Variants in TRMT9B observed in about 807,000 individuals in gnomAD.
TRMT9B encodes the protein tRNA methyltransferase 9B (putative), also known as probable tRNA methyltransferase 9B.
Under a neutral mutation model 11.5 loss-of-function variants are expected in TRMT9B, and 16 were observed. The ratio of observed to expected loss-of-function variants is 1.39; its 90% confidence interval spans 0.94 to 2.11. The LOEUF (loss-of-function observed/expected upper bound fraction) is 2.11, where lower values mean the gene tolerates loss of function less well. Ranked by LOEUF, TRMT9B falls within the 30% of genes most tolerant of loss-of-function variation. The pLI is 0.00. For missense variants in TRMT9B, 941 were observed against 553.8 expected, an observed-to-expected ratio of 1.70 and a Z score of -7.02; for synonymous variants, 274 against 192.4, an observed-to-expected ratio of 1.42 and a Z score of -3.51.
At chr8:12,963,991 G>C (rs778960965) in intron 1 of TRMT9B, among the ~76,000 whole-genome samples, 8 of 152,130 alleles carry the variant, frequency 5.3e-5, no homozygotes, top group Non-Finnish European at 1.0e-4. Context: ...AATCGCATCA[G>C]CTTTGGTTTT....
chr8:12,963,377 G>T (rs553288621), intron 1 of TRMT9B, among the ~76,000 whole-genome samples: 1 of 152,178 alleles, frequency 6.6e-6, no homozygotes, highest in Admixed American at 6.5e-5. Context: ...AGGTTGCAGT[G>T]AGCCAAGATT....
chr8:12,988,470 AT>A (rs1357387590), intron 1 of TRMT9B, among the ~76,000 whole-genome samples: 7 of 152,222 alleles, frequency 4.6e-5, no homozygotes, highest in Admixed American at 3.3e-4. Context: ...TGTGTAATTT[AT>A]AAAGGAAAGA....
Position 13,021,997 on chromosome 8 carries a change from C to A in TRMT9B, c.1318C>A (p.His440Asn). The stretch of plus-strand genomic sequence containing the variant: ...CCGTATCCTGAGTTCTGGGAATGAT[C>A]ATGGTAACTGGTGTATCATTGCAGA... ...ELRILSSGND[H>N]GNWCIIAEKK... Residue 440 changes from histidine (H) to asparagine (N), a missense_variant, in exon 5 of 5, where the codon CAT (histidine) becomes AAT (asparagine). By Grantham distance (68) the His-to-Asn change is moderately conservative. Coordinates refer to ENST00000524591, the MANE Select transcript of TRMT9B (RefSeq NM_020844.3). 2 of 1,611,770 alleles carry A rather than the reference C, an allele frequency of 1.2e-6. No homozygotes were observed. Among genetic ancestry groups the A allele is most frequent in the Non-Finnish European group, 1.7e-6 (2 of 1,179,082 alleles).
At chr8:12,974,736 G>T (rs1804168441) in intron 1 of TRMT9B, among the ~76,000 whole-genome samples, 1 of 152,182 alleles carries the variant, frequency 6.6e-6, no homozygotes, top group African/African-American at 2.4e-5. Context: ...CACTTCTCTT[G>T]CATGAAAAGG....
intron 1 of TRMT9B, among the ~76,000 whole-genome samples, chr8:12,969,659 T>A (rs548057728): frequency 1.3e-5 from 2 of 151,968 alleles, no homozygotes; most frequent in African/African-American, 4.8e-5. Flanking sequence ...ATTCTCTTTT[T>A]ATTGTTTCTT....
chr8:12,976,808 C>T (rs572516698), intron 1 of TRMT9B, among the ~76,000 whole-genome samples: 5 of 152,282 alleles, frequency 3.3e-5, no homozygotes, highest in East Asian at 3.9e-4. Context: ...GATTCCAGAA[C>T]TTGGCATGAC....
intron 2 of TRMT9B, among the ~76,000 whole-genome samples, chr8:12,992,992 G>A (rs1807643675): frequency 6.6e-6 from 1 of 152,220 alleles, no homozygotes; most frequent in African/African-American, 2.4e-5. Context: ...TTTGGCAGGA[G>A]GAAGTGATAG....
chr8:13,010,916 G>C (rs889881287), intron 3 of TRMT9B: 8 of 931,486 alleles, frequency 8.6e-6, no homozygotes, highest in Non-Finnish European at 1.0e-5. Flanking sequence ...GTGGCTACGA[G>C]ATCAAAGAAA....
At chr8:12,949,036 C>A (rs1800408748) in intron 1 of TRMT9B, among the ~76,000 whole-genome samples, 1 of 152,162 alleles carries the variant, frequency 6.6e-6, no homozygotes, top group African/African-American at 2.4e-5. Flanking sequence ...GAGACTATGG[C>A]CAACACACTT....
chr8:12,982,346 A>G (rs1805548122), intron 1 of TRMT9B, among the ~76,000 whole-genome samples: 1 of 152,152 alleles, frequency 6.6e-6, no homozygotes, highest in Non-Finnish European at 1.5e-5. Flanking sequence ...TTGCATACAC[A>G]TGGACTCTGT....
intron 1 of TRMT9B, among the ~76,000 whole-genome samples, chr8:12,982,383 C>T (rs1280778355): frequency 1.3e-5 from 2 of 152,192 alleles, no homozygotes; most frequent in East Asian, 3.9e-4. Context: ...TAATCAGGGT[C>T]AGACACGGTG....
chr8:12,978,647 A>G (rs143522190), intron 1 of TRMT9B, among the ~76,000 whole-genome samples: 103 of 152,294 alleles, frequency 6.8e-4, no homozygotes, highest in Admixed American at 1.4e-3. Context: ...TAACCAGCCA[A>G]TATAGTAGCC....
chr8:13,010,365 C>T (rs1811369885), intron 3 of TRMT9B: 2 of 976,920 alleles, frequency 2.0e-6, no homozygotes, highest in South Asian at 9.5e-5. Flanking sequence ...GAAAGAAGTT[C>T]AAAGGGATGA....
intron 3 of TRMT9B, 132 bp downstream of exon 3, chr8:13,006,488 G>T (rs1810501609): frequency 6.6e-7 from 1 of 1,523,620 alleles, no homozygotes; most frequent in Admixed American, 2.1e-5. Context: ...CCAGCACTGG[G>T]CCGTGTAGCA....
rs33910775 is a variant in TRMT9B, at chr8:13,024,041, C to CTTTTTTTTTTTTTTTT, written c.*2002_*2017dup. On this transcript the variant is annotated 3_prime_UTR_variant, in exon 5 of 5. Transcript: ENST00000524591. ...AAAATTAATTTGGTTTCTTCTATTT[C>CTTTTTTTTTTTTTTTT]TTTTTTTTTTTTTTTTTTTTGAGAC... is the stretch of plus-strand genomic sequence containing the variant. 1.7e-5 allele frequency: 2 copies of CTTTTTTTTTTTTTTTT among 114,600 alleles called. No homozygotes were observed. The highest frequency in any genetic ancestry group is 1.2e-4 in the Admixed American group (1 of 8,010). 7.1% of individuals were successfully genotyped at this position (114,600 alleles called of 1,614,324 possible).
chr8:12,965,249 G>A (rs1350809703), intron 1 of TRMT9B, among the ~76,000 whole-genome samples: 1 of 152,208 alleles, frequency 6.6e-6, no homozygotes, highest in Non-Finnish European at 1.5e-5. Context: ...GTTTTTGTAG[G>A]TATTAAGCAG....
intron 4 of TRMT9B, among the ~76,000 whole-genome samples, chr8:13,015,515 C>G (rs1812479081): frequency 6.6e-6 from 1 of 151,938 alleles, no homozygotes; most frequent in African/African-American, 2.4e-5. Flanking sequence ...CCATGCCTGG[C>G]TAATTTTTTC....
intron 2 of TRMT9B, among the ~76,000 whole-genome samples, chr8:13,004,679 G>T (rs924166456): frequency 6.6e-6 from 1 of 152,014 alleles, no homozygotes; most frequent in African/African-American, 2.4e-5. Flanking sequence ...CAAGTAATAC[G>T]CTGTGGGCCT....
chr8:12,955,587 C>T (rs748164879), intron 1 of TRMT9B, among the ~76,000 whole-genome samples: 6 of 152,122 alleles, frequency 3.9e-5, no homozygotes, highest in Non-Finnish European at 5.9e-5. Flanking sequence ...GGTGTAACTG[C>T]GAATGTCAAA....
Sources: gnomAD v4.1 joint callset for allele counts (sites outside exome capture counted in the v4.1 genomes callset) on GRCh38, gnomAD v4.1.1 for gene constraint, MANE v1.5 for transcripts, NCBI Gene and HGNC (gene_info 2026-07-23, HGNC 2026-07-21) for gene names.